AZIN2: variants seen among roughly 807,000 people sequenced by gnomAD.
AZIN2 encodes the protein ODC antizyme inhibitor-2.
In AZIN2, 28 loss-of-function variants were observed where a neutral mutation model predicts 47.8. The ratio of observed to expected loss-of-function variants is 0.59; its 90% CI spans 0.43 to 0.80. The LOEUF (loss-of-function observed/expected upper bound fraction) is 0.80. AZIN2 is among the 30% of genes least tolerant of loss of function. The pLI, the probability that AZIN2 is intolerant of heterozygous loss-of-function variation, is 0.00. For missense variants in AZIN2, 535 were observed against 582.5 expected (o/e 0.92, Z 0.84); for synonymous variants, 221 against 239.4 (o/e 0.92, Z 0.71).
chr1:33,147,648 G>A, the AZIN2 span: 144 of 1,613,956 alleles, frequency 8.9e-5, no homozygotes, highest in African/African-American at 1.3e-4. The surrounding 1 kb of genome is among the most constrained non-coding windows in gnomAD (Gnocchi z 8.1). Context: ...GCAAGTTGCC[G>A]TAAGCCACAA....
At chr1:33,094,486 G>A in intron 7 of AZIN2, 62 bp from the exon 8 acceptor site, 1 of 1,523,976 alleles carries the variant, frequency 6.6e-7, no homozygotes, top group South Asian at 1.2e-5. Context: ...ATTCTTGGCT[G>A]GGGCTCAGGT....
the AZIN2 span, chr1:33,147,498 G>A: frequency 3.9e-5 from 63 of 1,613,008 alleles, no homozygotes; most frequent in Non-Finnish European, 5.0e-5. The surrounding 1 kb of genome is among the most constrained non-coding windows in gnomAD (Gnocchi z 8.1). Context: ...TTGCGGCTTC[G>A]TGTGCCAGCC....
At chr1:33,147,413 TGTACTG>T in the AZIN2 span, 1 of 1,614,114 alleles carries the variant, frequency 6.2e-7, no homozygotes, top group East Asian at 2.2e-5. The surrounding 1 kb of genome is among the most constrained non-coding windows in gnomAD (Gnocchi z 8.1). Flanking sequence ...GTGCAGGCGC[TGTACTG>T]GTTGCCATCG....
At chr1:33,147,729 T>A in the AZIN2 span, 5 of 1,607,136 alleles carry the variant, frequency 3.1e-6, no homozygotes, top group Non-Finnish European at 4.3e-6. The surrounding 1 kb of genome is among the most constrained non-coding windows in gnomAD (Gnocchi z 8.1). Flanking sequence ...CGGCTGGCAC[T>A]GTGGGGGTTG....
the AZIN2 span, chr1:33,158,350 A>G: frequency 1.2e-6 from 2 of 1,613,316 alleles, no homozygotes; most frequent in South Asian, 1.1e-5. Flanking sequence ...GGTTGGTCTC[A>G]TGGATTTTTC....
rs1181472444 is a variant in AZIN2 at position 33,122,014 on chromosome 1, C to A, written c.*1832C>A. Among the ~76,000 whole-genome samples, 1 of 152,154 alleles carries A rather than the reference C, an allele frequency of 6.6e-6. No homozygotes were observed. The highest frequency in any genetic ancestry group is 1.5e-5 in the Non-Finnish European group (1 of 68,022). ...TGAAAGCTTGGGACATCAAAAGACT[C>A]AGGGCAATCAGAAAGGGTTACTCTA... On this transcript the variant is annotated 3_prime_UTR_variant, in exon 12 of 12. Coordinates refer to ENST00000294517, the MANE Select transcript of AZIN2 (RefSeq NM_052998.4).
At chr1:33,134,350 A>T in the AZIN2 span, among the ~76,000 whole-genome samples, 1 of 152,248 alleles carries the variant, frequency 6.6e-6, no homozygotes, top group Non-Finnish European at 1.5e-5. Context: ...CAGCTGGTTA[A>T]GTGGCAGGGC....
At chr1:33,146,315 G>T in the AZIN2 span, 1 of 172,984 alleles carries the variant, frequency 5.8e-6, no homozygotes, top group Non-Finnish European at 1.2e-5. Flanking sequence ...CCAGTGCTTG[G>T]GTCCTAATTA....
At chr1:33,088,557 A>G (rs1642194832) in intron 5 of AZIN2, among the ~76,000 whole-genome samples, 1 of 152,088 alleles carries the variant, frequency 6.6e-6, no homozygotes, top group South Asian at 2.1e-4. Flanking sequence ...ACTCTTTCCC[A>G]TCACATGCAG....
At chr1:33,082,149 G>A (rs116730956) in intron 3 of AZIN2, 29 bp from the exon 4 acceptor site, 4 of 981,910 alleles carry the variant, frequency 4.1e-6, no homozygotes, top group Non-Finnish European at 6.3e-6. Flanking sequence ...GCCCCCCAGC[G>A]GTTCCCTTCA....
intron 5 of AZIN2, among the ~76,000 whole-genome samples, chr1:33,087,155 T>TA (rs1233582190): frequency 6.0e-5 from 9 of 150,838 alleles, no homozygotes; most frequent in African/African-American, 2.2e-4. Context: ...TTTTTTGAGA[T>TA]AGAGTTTCGC....
the AZIN2 span, among the ~76,000 whole-genome samples, chr1:33,137,784 CTCA>C: frequency 1.3e-5 from 2 of 152,176 alleles, no homozygotes; most frequent in African/African-American, 4.8e-5. Context: ...CTTCCTCAGT[CTCA>C]TCATTCTGAG....
the AZIN2 span, among the ~76,000 whole-genome samples, chr1:33,151,931 C>T: frequency 1.3e-5 from 2 of 152,248 alleles, no homozygotes; most frequent in Non-Finnish European, 1.5e-5. Flanking sequence ...ACAGAGGCTT[C>T]GAACATGCAG....
intron 10 of AZIN2, among the ~76,000 whole-genome samples, chr1:33,109,327 C>CTTTTTTTTTTTT (rs1231170138): frequency 1.4e-5 from 2 of 138,012 alleles, no homozygotes; most frequent in Non-Finnish European, 1.6e-5. Flanking sequence ...TTTTCTTTTT[C>CTTTTTTTTTTTT]TTTTTTTTTT....
chr1:33,091,762 G>C (rs1254431677), intron 5 of AZIN2, among the ~76,000 whole-genome samples: 1 of 152,188 alleles, frequency 6.6e-6, no homozygotes, highest in Non-Finnish European at 1.5e-5. Flanking sequence ...CTGCCAGGAA[G>C]TTTTAATAAA....
intron 10 of AZIN2, among the ~76,000 whole-genome samples, chr1:33,107,579 AAAAACAAAAC>A (rs775471059): frequency 6.6e-6 from 1 of 152,170 alleles, no homozygotes; most frequent in African/African-American, 2.4e-5. Context: ...ACTCCATCTC[AAAAACAAAAC>A]AAAACAAACA....
In AZIN2 at chr1:33,113,909, A is replaced by G. The variant is rs1438067744; in HGVS notation, c.1030-3993A>G. 2.6e-5 allele frequency among the ~76,000 whole-genome samples: 4 copies of G among 152,182 alleles called. No homozygotes were observed. Among genetic ancestry groups the G allele is most frequent in the Admixed American group, 1.3e-4 (2 of 15,278 alleles). On this transcript the variant is annotated intron_variant, in intron 10 of 11. Transcript: ENST00000294517. The surrounding 1 kb of genome is among the most constrained non-coding windows in gnomAD (Gnocchi z 4.1). The stretch of plus-strand genomic sequence containing the variant: ...AAAATTAAACTTGAACTGTAGATCT[A>G]TATTTTCCATGTTATGAAGCCAGTG...
chr1:33,121,703 C>G lies in AZIN2; in HGVS notation c.*1521C>G, dbSNP rs1292881226. Among the ~76,000 whole-genome samples the G allele has an allele frequency of 6.6e-6, 1 of 152,228 alleles. No individual in the cohort carries two copies. Among genetic ancestry groups the G allele is most frequent in the Non-Finnish European group, 1.5e-5 (1 of 68,032 alleles). On this transcript the variant is annotated 3_prime_UTR_variant, in exon 12 of 12. Coordinates refer to ENST00000294517, the MANE Select transcript of AZIN2 (RefSeq NM_052998.4). ...AGTCACTCTCCATTTTTCCCATTCCCCAGTCCCTGATGACACAAATCTACC... is the reference window on the plus strand; with the variant it reads ...AGTCACTCTCCATTTTTCCCATTCCGCAGTCCCTGATGACACAAATCTACC...
intron 5 of AZIN2, 76 bp downstream of exon 5, chr1:33,084,203 C>T (rs1641615445): frequency 6.4e-7 from 1 of 1,562,706 alleles, no homozygotes; most frequent in Non-Finnish European, 8.7e-7. Context: ...TCCAGGTGGG[C>T]TCTGGGGAGC....
Sources: gnomAD v4.1 joint callset for allele counts (sites outside exome capture counted in the v4.1 genomes callset) on GRCh38, gnomAD v4.1.1 for gene constraint, Gnocchi (gnomAD v3.1) non-coding constraint, MANE v1.5 for transcripts, NCBI Gene and HGNC (gene_info 2026-07-23, HGNC 2026-07-21) for gene names.